The following FSTL5 variants were observed in gnomAD, a reference collection of about 807,000 sequenced individuals.
The protein encoded by FSTL5 is follistatin like 5, also known as follistatin-related protein 5.
In FSTL5, 62 loss-of-function variants were observed where a neutral mutation model predicts 89.1. That is an observed-to-expected ratio of 0.70 (90% CI 0.57 to 0.86). FSTL5 has a LOEUF of 0.86. Ranked by LOEUF, FSTL5 falls within the 40% of genes least tolerant of loss-of-function variation. FSTL5 has a pLI of 0.00. For missense variants in FSTL5, 1,057 were observed against 1,001.6 expected (o/e 1.06, Z -0.75); for synonymous variants, 383 against 346.2 (o/e 1.11, Z -1.18).
chr4:161,568,936 C>A (rs1434017534), intron 8 of FSTL5, among the ~76,000 whole-genome samples: 1 of 152,140 alleles, frequency 6.6e-6, no homozygotes, highest in East Asian at 1.9e-4. Flanking sequence ...AGGAATCTTG[C>A]AGGGTTAACT....
Position 161,386,406 on chromosome 4 carries a change from T to C in FSTL5, c.1885A>G (p.Ile629Val), listed in dbSNP as rs756146279. The change falls in exon 16 of 16, where the codon ATT becomes GTT. Residue 629 changes from isoleucine (I) to valine (V), a missense_variant. Ile to Val is a conservative substitution (Grantham distance 29). Coordinates refer to ENST00000306100, the MANE Select transcript of FSTL5 (RefSeq NM_020116.5). ...LHKDEAALQK[I>V]DLETMSYIKT... ...ATGTATGACATGGTTTCAAGATCAATTTTTTGTAGTGCAGCTTCATCTTTA... is the reference window on the plus strand; with the variant it reads ...ATGTATGACATGGTTTCAAGATCAACTTTTTGTAGTGCAGCTTCATCTTTA... The C allele has an allele frequency of 3.1e-6, 5 of 1,613,064 alleles. No individual in the cohort carries two copies. The African/African-American group carries it at 6.7e-5, about 22-fold the overall frequency.
At chr4:161,623,105 G>A (rs972437217) in intron 7 of FSTL5, among the ~76,000 whole-genome samples, 1 of 151,742 alleles carries the variant, frequency 6.6e-6, no homozygotes, top group African/African-American at 2.4e-5. Context: ...TAGCACACTC[G>A]GAATAAAATA....
chr4:162,054,219 T>C (rs1738468829), intron 2 of FSTL5, among the ~76,000 whole-genome samples: 1 of 151,234 alleles, frequency 6.6e-6, no homozygotes, highest in Non-Finnish European at 1.5e-5. Flanking sequence ...TATGCCCAAA[T>C]ATGCACAAGT....
intron 2 of FSTL5, among the ~76,000 whole-genome samples, chr4:162,100,474 G>A (rs529000927): frequency 2.3e-4 from 35 of 152,210 alleles, no homozygotes; most frequent in African/African-American, 8.4e-4. Flanking sequence ...AATCTCAGAA[G>A]GGTATATACT....
chr4:161,789,452 T>C (rs1323193875), intron 4 of FSTL5, among the ~76,000 whole-genome samples: 1 of 152,176 alleles, frequency 6.6e-6, no homozygotes, highest in African/African-American at 2.4e-5. Flanking sequence ...AAAATTATTG[T>C]CTATAGATGT....
intron 1 of FSTL5, among the ~76,000 whole-genome samples, chr4:162,153,745 A>ATACATATATATGTATAC (rs375756150): frequency 0.045 from 4,900 of 109,332 alleles, 394 homozygotes; most frequent in Admixed American, 0.093. Context: ...TGTATATAAT[A>ATACATATATATGTATAC]ATATACATGT....
At chr4:162,066,999 C>A (rs753884069) in intron 2 of FSTL5, among the ~76,000 whole-genome samples, 4 of 151,880 alleles carry the variant, frequency 2.6e-5, no homozygotes, top group African/African-American at 4.8e-5. Flanking sequence ...CTTGAGGAAT[C>A]GCCACACTGT....
intron 4 of FSTL5, among the ~76,000 whole-genome samples, chr4:161,808,172 T>C (rs1730025368): frequency 6.6e-6 from 1 of 152,142 alleles, no homozygotes. Context: ...AATTTAAATA[T>C]TGTTGGCAGA....
intron 5 of FSTL5, among the ~76,000 whole-genome samples, chr4:161,773,780 G>A (rs909381663): frequency 4.6e-5 from 7 of 152,196 alleles, no homozygotes; most frequent in South Asian, 2.1e-4. Flanking sequence ...AAACAGTGTG[G>A]AGAGTCCTTA....
At chr4:162,059,215 T>C (rs1738646538) in intron 2 of FSTL5, among the ~76,000 whole-genome samples, 1 of 152,202 alleles carries the variant, frequency 6.6e-6, no homozygotes, top group Admixed American at 6.6e-5. Flanking sequence ...GTTAAGTGGC[T>C]GATATTTTTG....
chr4:162,050,914 A>G (rs1738357357), intron 2 of FSTL5, among the ~76,000 whole-genome samples: 1 of 151,644 alleles, frequency 6.6e-6, no homozygotes, highest in South Asian at 2.1e-4. Flanking sequence ...TAGGAAAAAT[A>G]AGAGCACAGT....
At chr4:161,467,213 A>G (rs1733777645) in intron 13 of FSTL5, among the ~76,000 whole-genome samples, 1 of 152,074 alleles carries the variant, frequency 6.6e-6, no homozygotes, top group Admixed American at 6.5e-5. Flanking sequence ...AATGTATACC[A>G]CTTTTTATAA....
chr4:161,556,175 T>C (rs546902155), intron 8 of FSTL5, among the ~76,000 whole-genome samples: 102 of 151,682 alleles, frequency 6.7e-4, no homozygotes, highest in African/African-American at 2.4e-3. Context: ...CATTTGCACC[T>C]CAATAGTGTG....
At chr4:162,090,487 A>C (rs139491966) in intron 2 of FSTL5, among the ~76,000 whole-genome samples, 1 of 152,232 alleles carries the variant, frequency 6.6e-6, no homozygotes, top group Non-Finnish European at 1.5e-5. Context: ...ATGTGAAATA[A>C]AAGCTCAAAA....
chr4:161,405,714 T>C (rs1388097190), intron 15 of FSTL5, among the ~76,000 whole-genome samples: 1 of 152,132 alleles, frequency 6.6e-6, no homozygotes, highest in Non-Finnish European at 1.5e-5. Context: ...CCAAGAAGAA[T>C]AAATGCAAAG....
At chr4:162,150,032 G>T (rs1490073043) in intron 1 of FSTL5, among the ~76,000 whole-genome samples, 1 of 152,070 alleles carries the variant, frequency 6.6e-6, no homozygotes, top group African/African-American at 2.4e-5. Flanking sequence ...TTTGCTAACA[G>T]TTTAGAACTT....
At chr4:161,744,905 T>C (rs1025420925) in intron 6 of FSTL5, among the ~76,000 whole-genome samples, 4 of 152,020 alleles carry the variant, frequency 2.6e-5, no homozygotes, top group African/African-American at 9.7e-5. Context: ...TGTCTATGCA[T>C]TGAAAAATGG....
At chr4:161,783,817 G>T (rs1741784363) in intron 4 of FSTL5, among the ~76,000 whole-genome samples, 1 of 146,424 alleles carries the variant, frequency 6.8e-6, no homozygotes, top group African/African-American at 2.5e-5. Flanking sequence ...GAGGGCAGTG[G>T]CATAGTAGCA....
At chr4:161,718,180 A>C (rs1416433420) in intron 6 of FSTL5, among the ~76,000 whole-genome samples, 2 of 152,166 alleles carry the variant, frequency 1.3e-5, no homozygotes, top group Non-Finnish European at 2.9e-5. Context: ...TTTATAGCTT[A>C]ATAACTGAAA....
Sources: allele counts gnomAD v4.1 joint callset (sites outside exome capture counted in the v4.1 genomes callset), GRCh38; gene constraint gnomAD v4.1.1; transcripts MANE v1.5; gene names NCBI Gene and HGNC (gene_info 2026-07-23, HGNC 2026-07-21).